The following RASAL2 variants were observed in gnomAD, a reference collection of about 807,000 sequenced individuals.
RASAL2 encodes ras GTPase-activating protein nGAP.
In RASAL2, 58 loss-of-function variants were observed where a neutral mutation model predicts 128.9. The observed-to-expected ratio is 0.45, with a 90% CI of 0.36 to 0.56. RASAL2 has a LOEUF of 0.56. RASAL2 is among the 20% of genes least tolerant of loss of function. The pLI is 0.00. For missense variants in RASAL2, 1,360 were observed against 1,601.6 expected (o/e 0.85, Z 2.57); for synonymous variants, 561 against 580.8 (o/e 0.97, Z 0.49).
intron 1 of RASAL2, among the ~76,000 whole-genome samples, chr1:178,252,094 G>C (rs1384930539): frequency 6.6e-6 from 1 of 152,058 alleles, no homozygotes; most frequent in Non-Finnish European, 1.5e-5. Context: ...AAATTTATGT[G>C]GGGGTGGAGG....
rs1384711270 is a variant in RASAL2, at chr1:178,478,379, A to G, written c.*5140A>G. The G allele has an allele frequency of 6.6e-6, 1 of 152,244 alleles. No homozygotes were observed. The highest frequency in any genetic ancestry group is 2.4e-5 in the African/African-American group (1 of 41,470). 9.4% of individuals were successfully genotyped at this position (152,244 alleles called of 1,614,324 possible). A position where few individuals can be genotyped will look rare whatever the true frequency, so the allele number is the denominator to read the frequency against. ...CAATGACCACCTTCAGGAAAGTTAA[A>G]TAGTAAATTAGGTTAAATTTTGACT... On this transcript the variant is annotated 3_prime_UTR_variant, in exon 18 of 18. Transcript: ENST00000367649.
At chr1:178,145,570 A>AGG (rs1553253934) in intron 1 of RASAL2, among the ~76,000 whole-genome samples, 3 of 149,772 alleles carry the variant, frequency 2.0e-5, no homozygotes, top group East Asian at 4.0e-4. Flanking sequence ...AAAAAAAAAA[A>AGG]GGGGGAGTAT....
intron 1 of RASAL2, among the ~76,000 whole-genome samples, chr1:178,196,225 A>G (rs898618067): frequency 9.9e-5 from 15 of 152,160 alleles, no homozygotes; most frequent in Non-Finnish European, 5.9e-5. Flanking sequence ...ATATATACCT[A>G]AAAATATATT....
rs58789015 is a variant in RASAL2 at position 178,135,737 on chromosome 1, A to G, written c.202+41043A>G. Among the ~76,000 whole-genome samples the G allele has an allele frequency of 1.4e-4, 21 of 152,350 alleles. No individual in the cohort carries two copies. The East Asian group carries it at 3.5e-3, about 25-fold the overall frequency. On this transcript the variant is annotated intron_variant, in intron 1 of 17. Transcript: ENST00000367649. ...GAGGTTTAATTGGACTTACAGTTCC[A>G]TGTGGCTGGGGAAGCCTCACAATAA...
intron 1 of RASAL2, among the ~76,000 whole-genome samples, chr1:178,171,998 T>C (rs1661721575): frequency 6.6e-6 from 1 of 152,030 alleles, no homozygotes; most frequent in Non-Finnish European, 1.5e-5. Context: ...CTTTTTTCTC[T>C]CTCTGTTCTT....
intron 5 of RASAL2, among the ~76,000 whole-genome samples, chr1:178,426,093 T>C (rs1675495815): frequency 6.6e-6 from 1 of 152,170 alleles, no homozygotes; most frequent in Non-Finnish European, 1.5e-5. Context: ...TAGCTACATT[T>C]ATATCTGTAG....
intron 2 of RASAL2, among the ~76,000 whole-genome samples, chr1:178,296,994 C>T (rs1667544186): frequency 6.7e-6 from 1 of 148,210 alleles, no homozygotes; most frequent in Admixed American, 6.7e-5. Flanking sequence ...TTAGTTGAGG[C>T]AAAAGAAGAT....
At chr1:178,412,628 A>G (rs1298768654) in intron 4 of RASAL2, among the ~76,000 whole-genome samples, 4 of 152,208 alleles carry the variant, frequency 2.6e-5, no homozygotes, top group Non-Finnish European at 5.9e-5. Flanking sequence ...GTATTTATCA[A>G]GGACTTACTA....
intron 1 of RASAL2, among the ~76,000 whole-genome samples, chr1:178,201,077 C>T (rs537777332): frequency 1.3e-5 from 2 of 151,914 alleles, no homozygotes; most frequent in African/African-American, 2.4e-5. Flanking sequence ...GTGCTACACT[C>T]GAAAAAAACT....
intron 1 of RASAL2, among the ~76,000 whole-genome samples, chr1:178,182,591 G>C (rs1223529386): frequency 1.3e-5 from 2 of 152,130 alleles, no homozygotes; most frequent in Non-Finnish European, 2.9e-5. Flanking sequence ...TAATGTTTCT[G>C]ACTCTAATCC....
chr1:178,175,739 T>C (rs946494765), intron 1 of RASAL2, among the ~76,000 whole-genome samples: 4 of 151,924 alleles, frequency 2.6e-5, no homozygotes, highest in Non-Finnish European at 5.9e-5. Flanking sequence ...TATATATCAC[T>C]GTGAATGCCT....
intron 1 of RASAL2, among the ~76,000 whole-genome samples, chr1:178,215,346 A>G (rs1475580386): frequency 2.0e-5 from 3 of 152,220 alleles, no homozygotes; most frequent in Admixed American, 1.3e-4. Flanking sequence ...AAAACCTCCC[A>G]TGGGTTCTCT....
At chr1:178,428,823 T>TCTGC (rs1406520170) in intron 5 of RASAL2, among the ~76,000 whole-genome samples, 2 of 152,122 alleles carry the variant, frequency 1.3e-5, no homozygotes, top group African/African-American at 4.8e-5. Context: ...TTACAGGCAG[T>TCTGC]CTGCCTGCCT....
intron 4 of RASAL2, among the ~76,000 whole-genome samples, chr1:178,416,265 G>GT (rs1674750455): frequency 6.6e-6 from 1 of 151,902 alleles, no homozygotes; most frequent in Non-Finnish European, 1.5e-5. Context: ...AGAATTTGCA[G>GT]TTTTTTAAAT....
chr1:178,156,472 G>T (rs977776512), intron 1 of RASAL2, among the ~76,000 whole-genome samples: 1 of 152,080 alleles, frequency 6.6e-6, no homozygotes. Flanking sequence ...TATGACACTG[G>T]TTGTTATAAT....
chr1:178,356,380 C>T (rs1037316748), intron 3 of RASAL2, among the ~76,000 whole-genome samples: 2 of 152,008 alleles, frequency 1.3e-5, no homozygotes, highest in African/African-American at 4.8e-5. Flanking sequence ...AACATAAATA[C>T]ATGCTTATGT....
At chr1:178,294,698 G>A (rs1196432214) in intron 2 of RASAL2, among the ~76,000 whole-genome samples, 1 of 152,204 alleles carries the variant, frequency 6.6e-6, no homozygotes, top group Non-Finnish European at 1.5e-5. Context: ...CAGCCACTGT[G>A]TTGGTCACCA....
chr1:178,223,796 A>T (rs1420711993), intron 1 of RASAL2, among the ~76,000 whole-genome samples: 1 of 152,090 alleles, frequency 6.6e-6, no homozygotes, highest in Non-Finnish European at 1.5e-5. Flanking sequence ...GTTGGATAAT[A>T]CTCAGGAGGG....
chr1:178,372,555 G>T (rs1343419768), intron 3 of RASAL2, among the ~76,000 whole-genome samples: 1 of 152,162 alleles, frequency 6.6e-6, no homozygotes, highest in Non-Finnish European at 1.5e-5. Context: ...AACAAAGAGT[G>T]CTAGCTCCAT....
Sources: allele counts gnomAD v4.1 joint callset (sites outside exome capture counted in the v4.1 genomes callset), GRCh38; gene constraint gnomAD v4.1.1; transcripts MANE v1.5; gene names NCBI Gene and HGNC (gene_info 2026-07-23, HGNC 2026-07-21).